The following WWOX variants were observed in gnomAD, a reference collection of about 807,000 sequenced individuals.
The protein encoded by WWOX is WW domain containing oxidoreductase.
In WWOX, 69 loss-of-function variants were observed where a neutral mutation model predicts 46.2. The ratio of observed to expected loss-of-function variants is 1.49; its 90% CI spans 1.23 to 1.82. The LOEUF (loss-of-function observed/expected upper bound fraction) is 1.82, where lower values mean the gene tolerates loss of function less well. WWOX is among the 40% of genes most tolerant of loss of function. The pLI is 0.00. For synonymous variants in WWOX, 359 were observed against 202.6 expected (o/e 1.77, Z -6.56); for missense variants, 919 against 542.6 (o/e 1.69, Z -6.89).
At chr16:78,581,626 C>A (rs2045056463) in intron 8 of WWOX, among the ~76,000 whole-genome samples, 1 of 152,146 alleles carries the variant, frequency 6.6e-6, no homozygotes, top group African/African-American at 2.4e-5. Flanking sequence ...ATCAAAGTCT[C>A]TTTCCCGTGG....
At chr16:78,673,335 G>C (rs949319417) in intron 8 of WWOX, among the ~76,000 whole-genome samples, 1 of 152,220 alleles carries the variant, frequency 6.6e-6, no homozygotes, top group African/African-American at 2.4e-5. Context: ...GAGTAGCAGA[G>C]AGCTGGCTGT....
intron 8 of WWOX, among the ~76,000 whole-genome samples, chr16:78,949,014 G>A (rs7185469): frequency 0.16 from 24,367 of 152,046 alleles, 2,177 homozygotes; most frequent in Non-Finnish European, 0.19. Flanking sequence ...TAGAAATATG[G>A]GCGGCCCTCA....
At chr16:78,840,662 C>T (rs2052115209) in intron 8 of WWOX, among the ~76,000 whole-genome samples, 1 of 151,882 alleles carries the variant, frequency 6.6e-6, no homozygotes, top group Non-Finnish European at 1.5e-5. Context: ...AATTTGGATT[C>T]TGATTCAGTA....
At chr16:78,353,865 G>GTGTCAC (rs2081230960) in intron 5 of WWOX, among the ~76,000 whole-genome samples, 1 of 152,176 alleles carries the variant, frequency 6.6e-6, no homozygotes, top group Non-Finnish European at 1.5e-5. Context: ...CCTTGATGTG[G>GTGTCAC]TGCCGAGTTG....
chr16:78,182,841 C>T (rs1175014810), intron 5 of WWOX, among the ~76,000 whole-genome samples: 1 of 150,306 alleles, frequency 6.7e-6, no homozygotes, highest in Non-Finnish European at 1.5e-5. Flanking sequence ...GTGCCAGCTG[C>T]TTGGGAGGCT....
At chr16:79,072,991 G>A (rs2150568802) in intron 8 of WWOX, among the ~76,000 whole-genome samples, 1 of 152,176 alleles carries the variant, frequency 6.6e-6, no homozygotes, top group East Asian at 1.9e-4. Flanking sequence ...TAGTTGAAAT[G>A]TGCTTCCATG....
At chr16:78,576,142 G>C (rs1235182267) in intron 8 of WWOX, among the ~76,000 whole-genome samples, 8 of 152,086 alleles carry the variant, frequency 5.3e-5, no homozygotes, top group African/African-American at 1.7e-4. Flanking sequence ...TCTCCTGTAT[G>C]AATTTTTAAA....
chr16:78,571,931 G>A (rs777786734), intron 8 of WWOX, among the ~76,000 whole-genome samples: 3 of 152,138 alleles, frequency 2.0e-5, no homozygotes, highest in Non-Finnish European at 4.4e-5. Flanking sequence ...TTGGCAAAAC[G>A]TTAAGTACTA....
At position 78,338,705 on chromosome 16, in the gene WWOX, C is replaced by T. The variant is rs138616478; in HGVS notation, c.517-48155C>T. Reference sequence around the variant, plus strand: ...GGTTGTGCTCTGTCGTAATTTAAGCCTAATATGTGATTGTCTACATGTTTA... The same window carrying T: ...GGTTGTGCTCTGTCGTAATTTAAGCTTAATATGTGATTGTCTACATGTTTA... On this transcript the variant is annotated intron_variant, in intron 5 of 8. Transcript: ENST00000566780. Among the ~76,000 whole-genome samples the T allele has an allele frequency of 3.7e-3, 447 of 121,330 alleles. 85 individuals carry two copies. Among genetic ancestry groups the T allele is most frequent in the African/African-American group, 0.012 (434 of 35,938 alleles). 79.6% of individuals were successfully genotyped at this position (121,330 alleles called of 152,430 possible). A position where few individuals can be genotyped will look rare whatever the true frequency, so the allele number is the denominator to read the frequency against.
At chr16:78,934,304 C>G (rs1046090818) in intron 8 of WWOX, among the ~76,000 whole-genome samples, 4 of 135,312 alleles carry the variant, frequency 3.0e-5, no homozygotes, top group Non-Finnish European at 6.1e-5. Flanking sequence ...CACCACTGCA[C>G]TCTAGCCTGG....
At position 78,245,889 on chromosome 16, in the gene WWOX, C is replaced by G. The variant is rs1312675472; in HGVS notation, c.516+81600C>G. ...GCAAAGAAAGGCAGGAAAAGGTCCTCTCCATTCCAGAAAGGAGAACAAAGA... is the reference window on the plus strand; with the variant it reads ...GCAAAGAAAGGCAGGAAAAGGTCCTGTCCATTCCAGAAAGGAGAACAAAGA... On this transcript the variant is annotated intron_variant, in intron 5 of 8. Transcript: ENST00000566780. 2.6e-5 allele frequency among the ~76,000 whole-genome samples: 4 copies of G among 152,212 alleles called. No individual in the cohort carries two copies. In the East Asian group the frequency reaches 5.8e-4, roughly 22 times the overall value.
chr16:78,990,766 A>G (rs964292282), intron 8 of WWOX, among the ~76,000 whole-genome samples: 4 of 152,240 alleles, frequency 2.6e-5, no homozygotes, highest in African/African-American at 4.8e-5. Context: ...GCAAGAGGGC[A>G]CAGTCAGACC....
At chr16:78,283,260 C>G (rs1003996783) in intron 5 of WWOX, among the ~76,000 whole-genome samples, 13 of 152,114 alleles carry the variant, frequency 8.5e-5, no homozygotes, top group Non-Finnish European at 1.8e-4. Context: ...AGGAACGATG[C>G]AGACACAGAA....
At chr16:78,373,840 T>A (rs2081754008) in intron 5 of WWOX, among the ~76,000 whole-genome samples, 2 of 152,230 alleles carry the variant, frequency 1.3e-5, no homozygotes, top group Non-Finnish European at 2.9e-5. Flanking sequence ...CAGGCTGGAA[T>A]GCAGTGGCTT....
intron 8 of WWOX, among the ~76,000 whole-genome samples, chr16:78,974,469 T>C (rs1041877793): frequency 6.6e-6 from 1 of 152,230 alleles, no homozygotes; most frequent in South Asian, 2.1e-4. Context: ...AATGGGATTC[T>C]GTTTTCTAGA....
chr16:78,533,818 T>TCCTCGC (rs2043690972), intron 8 of WWOX, among the ~76,000 whole-genome samples: 2 of 152,180 alleles, frequency 1.3e-5, no homozygotes. Flanking sequence ...CTGGTTCTCG[T>TCCTCGC]CCTCGCCCTC....
At chr16:78,109,457 C>T (rs2032358187) in intron 2 of WWOX, among the ~76,000 whole-genome samples, 2 of 152,162 alleles carry the variant, frequency 1.3e-5, no homozygotes, top group East Asian at 1.9e-4. Context: ...TGGGTGCCTG[C>T]CCTGCATATA....
chr16:78,889,795 C>G (rs922172148), intron 8 of WWOX, among the ~76,000 whole-genome samples: 2 of 152,110 alleles, frequency 1.3e-5, no homozygotes, highest in Non-Finnish European at 2.9e-5. Context: ...AGCTGCCACC[C>G]GAGGTTTAAA....
chr16:78,911,545 G>GAAT (rs2045111551), intron 8 of WWOX, among the ~76,000 whole-genome samples: 2 of 151,948 alleles, frequency 1.3e-5, no homozygotes, highest in Non-Finnish European at 2.9e-5. Context: ...AAGACTCTTA[G>GAAT]GAAAATTCTC....
Sources: allele counts gnomAD v4.1 joint callset (sites outside exome capture counted in the v4.1 genomes callset), GRCh38; gene constraint gnomAD v4.1.1; transcripts MANE v1.5; gene names NCBI Gene and HGNC (gene_info 2026-07-23, HGNC 2026-07-21).